PRKCE: variants seen among roughly 807,000 people sequenced by gnomAD.
The protein encoded by PRKCE is protein kinase C epsilon type.
Under a neutral mutation model 85.4 loss-of-function variants are expected in PRKCE, and 16 were observed. The observed-to-expected ratio is 0.19, with a 90% CI of 0.13 to 0.28. The LOEUF (loss-of-function observed/expected upper bound fraction) is 0.28. Ranked by LOEUF, PRKCE falls within the 10% of genes least tolerant of loss-of-function variation. The pLI is 1.00. For missense variants in PRKCE, 573 were observed against 975.2 expected, an observed-to-expected ratio of 0.59 and a Z score of 5.49; for synonymous variants, 388 against 371.5, an observed-to-expected ratio of 1.04 and a Z score of -0.51.
chr2:45,869,391 T>C (rs937104724), intron 2 of PRKCE, among the ~76,000 whole-genome samples: 3 of 152,254 alleles, frequency 2.0e-5, no homozygotes, highest in Non-Finnish European at 4.4e-5. Flanking sequence ...TTTGTGACAC[T>C]GCTAGTAATC....
intron 1 of PRKCE, among the ~76,000 whole-genome samples, chr2:45,698,165 G>A (rs1678311508): frequency 6.6e-6 from 1 of 152,188 alleles, no homozygotes; most frequent in Non-Finnish European, 1.5e-5. Flanking sequence ...CGCTCATTTT[G>A]TGGGCAAGTT....
intron 1 of PRKCE, among the ~76,000 whole-genome samples, chr2:45,822,992 T>G (rs1689657283): frequency 6.6e-6 from 1 of 152,214 alleles, no homozygotes; most frequent in Non-Finnish European, 1.5e-5. Context: ...AGTCACTGCC[T>G]TGTCATTAAT....
intron 2 of PRKCE, among the ~76,000 whole-genome samples, chr2:45,923,522 A>G (rs1371629527): frequency 6.6e-6 from 1 of 152,222 alleles, no homozygotes; most frequent in African/African-American, 2.4e-5. Context: ...GGTAGAGCAG[A>G]GTCCAGGGAC....
chr2:45,863,122 G>A (rs1034885808), intron 2 of PRKCE, among the ~76,000 whole-genome samples: 33 of 152,104 alleles, frequency 2.2e-4, no homozygotes, highest in Non-Finnish European at 2.1e-4. Context: ...GTGTGCTTGC[G>A]GTTCCTGGAA....
chr2:45,869,725 T>TTTTTA (rs70937974), intron 2 of PRKCE, among the ~76,000 whole-genome samples: 1 of 137,262 alleles, frequency 7.3e-6, no homozygotes, highest in Non-Finnish European at 1.6e-5. Flanking sequence ...TTTTTTTTTT[T>TTTTTA]GAGTTGGTGT....
At chr2:45,961,009 A>G (rs2104419705) in intron 2 of PRKCE, among the ~76,000 whole-genome samples, 1 of 152,366 alleles carries the variant, frequency 6.6e-6, no homozygotes, top group Non-Finnish European at 1.5e-5. Flanking sequence ...AGGGGCTGGA[A>G]GCAAGAGGGA....
chr2:45,911,869 T>A (rs1380851657), intron 2 of PRKCE, among the ~76,000 whole-genome samples: 2 of 152,140 alleles, frequency 1.3e-5, no homozygotes, highest in African/African-American at 2.4e-5. Flanking sequence ...GTTATGAGAA[T>A]TAATGGCGAT....
intron 1 of PRKCE, among the ~76,000 whole-genome samples, chr2:45,791,937 T>G (rs1687068343): frequency 6.6e-6 from 1 of 152,236 alleles, no homozygotes; most frequent in Admixed American, 6.5e-5. Context: ...TGGCACCTGT[T>G]CCACGGGGTA....
At chr2:45,797,631 AC>A (rs1246348340) in intron 1 of PRKCE, among the ~76,000 whole-genome samples, 4 of 152,078 alleles carry the variant, frequency 2.6e-5, no homozygotes, top group African/African-American at 9.7e-5. Context: ...ATTTAAACTG[AC>A]CTGTCTTTGG....
At chr2:45,821,192 A>G (rs1011370402) in intron 1 of PRKCE, among the ~76,000 whole-genome samples, 12 of 152,300 alleles carry the variant, frequency 7.9e-5, no homozygotes, top group Admixed American at 5.9e-4. Flanking sequence ...TTGGTGATTG[A>G]TGGAAAGGAG....
intron 2 of PRKCE, among the ~76,000 whole-genome samples, chr2:45,888,933 C>T (rs1335027710): frequency 6.6e-6 from 1 of 152,160 alleles, no homozygotes; most frequent in Non-Finnish European, 1.5e-5. Flanking sequence ...GAGACCTTGA[C>T]CAGCAAAACC....
chr2:46,003,892 T>C (rs1322006984), intron 7 of PRKCE: 1 of 153,748 alleles, frequency 6.5e-6, no homozygotes, highest in Non-Finnish European at 1.4e-5. Flanking sequence ...TTAGGAACAC[T>C]CTCTTTTTTT....
intron 13 of PRKCE, among the ~76,000 whole-genome samples, chr2:46,152,396 G>A (rs1292022322): frequency 6.6e-6 from 1 of 151,974 alleles, no homozygotes; most frequent in African/African-American, 2.4e-5. Flanking sequence ...TGGCCAGGCT[G>A]GCCTTGAACT....
At chr2:45,834,619 C>T (rs748628301) in intron 1 of PRKCE, among the ~76,000 whole-genome samples, 12 of 146,502 alleles carry the variant, frequency 8.2e-5, no homozygotes, top group Middle Eastern at 3.4e-3. Context: ...TGTGTGTACA[C>T]CCACATGCTC....
intron 1 of PRKCE, among the ~76,000 whole-genome samples, chr2:45,740,847 T>C (rs565370667): frequency 2.0e-5 from 3 of 152,372 alleles, no homozygotes; most frequent in South Asian, 4.1e-4. Flanking sequence ...AAGGAGATAC[T>C]GTATAACATG....
At chr2:45,672,533 T>A (rs1259986944) in intron 1 of PRKCE, among the ~76,000 whole-genome samples, 1 of 152,250 alleles carries the variant, frequency 6.6e-6, no homozygotes, top group African/African-American at 2.4e-5. Flanking sequence ...ATGCCATGTG[T>A]CTAAAATTTT....
chr2:46,095,034 C>T (rs1670552892), intron 11 of PRKCE, among the ~76,000 whole-genome samples: 1 of 152,174 alleles, frequency 6.6e-6, no homozygotes, highest in Non-Finnish European at 1.5e-5. Context: ...CGGCATAGAT[C>T]TCTTCAATTT....
chr2:46,102,528 A>T (rs1042485882), intron 11 of PRKCE, among the ~76,000 whole-genome samples: 1 of 152,210 alleles, frequency 6.6e-6, no homozygotes, highest in South Asian at 2.1e-4. Context: ...AACTAAGCCC[A>T]TATTTTATTC....
At position 45,709,719 on chromosome 2, in the gene PRKCE, G is replaced by A. The variant is rs1363308437; in HGVS notation, c.348+57271G>A. ...CAAACTCTTTTGAATAAAATGGAAGGCATCTCATCTCCAGTCCCCATCTCT... is the reference window on the plus strand; with the variant it reads ...CAAACTCTTTTGAATAAAATGGAAGACATCTCATCTCCAGTCCCCATCTCT... On this transcript the variant is annotated intron_variant, in intron 1 of 14. Coordinates refer to ENST00000306156, the MANE Select transcript of PRKCE (RefSeq NM_005400.3). Among the ~76,000 whole-genome samples, 2 of 152,202 alleles carry A rather than the reference G, an allele frequency of 1.3e-5. 1 individual carries two copies. Among genetic ancestry groups the A allele is most frequent in the South Asian group, 4.2e-4 (2 of 4,808 alleles).
Sources: allele counts gnomAD v4.1 joint callset (sites outside exome capture counted in the v4.1 genomes callset), GRCh38; gene constraint gnomAD v4.1.1; transcripts MANE v1.5; gene names NCBI Gene and HGNC (gene_info 2026-07-23, HGNC 2026-07-21).